Variants in COL5A2 observed in about 807,000 individuals in gnomAD.
COL5A2 encodes collagen alpha-2(V) chain.
COL5A2 carries 23 observed loss-of-function variants against 208.2 expected under a neutral mutation model. That is an observed-to-expected ratio of 0.11 (90% CI 0.08 to 0.16). The LOEUF is 0.16. COL5A2 is among the 10% of genes least tolerant of loss of function. COL5A2 has a pLI of 1.00. For synonymous variants in COL5A2, 625 were observed against 628.5 expected, an observed-to-expected ratio of 0.99 and a Z score of 0.08; for missense variants, 1,590 against 1,956.4, an observed-to-expected ratio of 0.81 and a Z score of 3.53.
chr2:189,347,647 A>G, the COL5A2 span, among the ~76,000 whole-genome samples: 3 of 152,178 alleles, frequency 2.0e-5, no homozygotes, highest in Middle Eastern at 3.4e-3. Flanking sequence ...GCTGCCATGG[A>G]CTTATTTTTA....
At chr2:189,088,795 T>A in intron 7 of COL5A2, 23 bp from the exon 8 acceptor site, 1 of 1,594,912 alleles carries the variant, frequency 6.3e-7, no homozygotes, top group Non-Finnish European at 8.6e-7. Context: ...TATGTTGACA[T>A]TATTTCTACA....
upstream of COL5A2, among the ~76,000 whole-genome samples, chr2:189,229,047 A>T (rs952758999): frequency 3.3e-5 from 5 of 151,906 alleles, no homozygotes; most frequent in Non-Finnish European, 7.4e-5. Context: ...AACAGAATAA[A>T]GGATAGAAAT....
intron 50 of COL5A2, 86 bp from the exon 51 acceptor site, chr2:189,039,649 T>C (rs2153506548): frequency 3.1e-6 from 4 of 1,311,028 alleles, no homozygotes; most frequent in Admixed American, 4.1e-5. Flanking sequence ...GGAGTTCCAA[T>C]GAGACACTCC....
the COL5A2 span, among the ~76,000 whole-genome samples, chr2:189,352,966 C>A: frequency 6.6e-6 from 1 of 152,004 alleles, no homozygotes; most frequent in Non-Finnish European, 1.5e-5. Flanking sequence ...AATTTTTGTA[C>A]AAGTTGTAAG....
At chr2:189,270,091 C>G in the COL5A2 span, among the ~76,000 whole-genome samples, 4 of 152,122 alleles carry the variant, frequency 2.6e-5, no homozygotes, top group Non-Finnish European at 5.9e-5. Context: ...TTCCCTTTAT[C>G]ATTTTTTATT....
intron 41 of COL5A2, among the ~76,000 whole-genome samples, chr2:189,051,820 T>A (rs1038252712): frequency 1.3e-5 from 2 of 152,226 alleles, no homozygotes; most frequent in Non-Finnish European, 2.9e-5. Context: ...TTATTTATTC[T>A]TATGATTTGA....
chr2:189,249,847 C>T, the COL5A2 span, among the ~76,000 whole-genome samples: 1 of 152,130 alleles, frequency 6.6e-6, no homozygotes, highest in Non-Finnish European at 1.5e-5. Flanking sequence ...TAGGTGCCCG[C>T]CACCACACCC....
chr2:189,428,164 G>T, the COL5A2 span, among the ~76,000 whole-genome samples: 2 of 152,168 alleles, frequency 1.3e-5, no homozygotes, highest in African/African-American at 4.8e-5. Context: ...AGGGTGAAAT[G>T]ATATGGTTTG....
At chr2:189,080,130 A>C in intron 13 of COL5A2, 99 bp from the exon 14 acceptor site, 1 of 852,370 alleles carries the variant, frequency 1.2e-6, no homozygotes, top group Non-Finnish European at 1.9e-6. Context: ...CCTTATAAAA[A>C]TGAATATCAA....
the COL5A2 span, among the ~76,000 whole-genome samples, chr2:189,234,220 C>G: frequency 6.6e-6 from 1 of 151,794 alleles, no homozygotes; most frequent in South Asian, 2.1e-4. Flanking sequence ...CATCCTCAGC[C>G]TAGTCCCATT....
chr2:189,407,113 G>A, the COL5A2 span, among the ~76,000 whole-genome samples: 873 of 152,122 alleles, frequency 5.7e-3, 10 homozygotes, highest in African/African-American at 0.02. Flanking sequence ...CTCAGAAGGT[G>A]TTTTAAGCTT....
the COL5A2 span, among the ~76,000 whole-genome samples, chr2:189,275,392 G>A: frequency 4.0e-5 from 6 of 149,986 alleles, 1 homozygote; most frequent in African/African-American, 1.5e-4. Flanking sequence ...AATTTATATA[G>A]TAAATGTATA....
chr2:189,075,476 C>T (rs750425313), intron 16 of COL5A2, 39 bp from the exon 17 acceptor site: 3 of 1,502,324 alleles, frequency 2.0e-6, no homozygotes, highest in South Asian at 1.1e-5. Flanking sequence ...GATAAGATTA[C>T]ATTTTAGACT....
At chr2:189,311,479 G>T in the COL5A2 span, 1 of 1,052,820 alleles carries the variant, frequency 9.5e-7, no homozygotes, top group Non-Finnish European at 1.4e-6. Flanking sequence ...CCTGGGCTTG[G>T]TGCTGTCCCT....
At chr2:189,168,240 T>TG (rs1688508450) in intron 1 of COL5A2, among the ~76,000 whole-genome samples, 1 of 150,484 alleles carries the variant, frequency 6.6e-6, no homozygotes. Flanking sequence ...TGCCCGGGTT[T>TG]TTTTTTTTTT....
At chr2:189,287,017 G>C in the COL5A2 span, among the ~76,000 whole-genome samples, 2 of 151,900 alleles carry the variant, frequency 1.3e-5, no homozygotes, top group African/African-American at 4.8e-5. Context: ...CTATCTCCTG[G>C]GAAAGATATG....
chr2:189,094,148 GT>G (rs1686848929), intron 6 of COL5A2, among the ~76,000 whole-genome samples: 1 of 152,052 alleles, frequency 6.6e-6, no homozygotes, highest in Non-Finnish European at 1.5e-5. Flanking sequence ...TCCTAAGATT[GT>G]TTTCATTGAC....
the COL5A2 span, among the ~76,000 whole-genome samples, chr2:189,298,329 T>G: frequency 6.6e-6 from 1 of 152,090 alleles, no homozygotes; most frequent in African/African-American, 2.4e-5. Context: ...GTTGTATGAG[T>G]TAATAGAAAA....
chr2:189,224,894 A>G (rs1416813751), intron 1 of COL5A2, among the ~76,000 whole-genome samples: 2 of 152,132 alleles, frequency 1.3e-5, no homozygotes, highest in Non-Finnish European at 2.9e-5. Context: ...AATATACTTG[A>G]TTTGCTAAGA....
Sources: allele counts gnomAD v4.1 joint callset (sites outside exome capture counted in the v4.1 genomes callset), GRCh38; gene constraint gnomAD v4.1.1; transcripts MANE v1.5; gene names NCBI Gene and HGNC (gene_info 2026-07-23, HGNC 2026-07-21).